SPOCK1: variants seen among roughly 807,000 people sequenced by gnomAD.
SPOCK1 encodes testican-1.
A neutral mutation model predicts 55.3 loss-of-function variants in SPOCK1; 23 were observed. That is an observed-to-expected ratio of 0.42 (90% CI 0.30 to 0.59). SPOCK1 has a LOEUF of 0.59. Ranked by LOEUF, SPOCK1 falls within the 20% of genes least tolerant of loss-of-function variation. The pLI is 0.22. For missense variants in SPOCK1, 499 were observed against 552.5 expected (o/e 0.90, Z 0.97); for synonymous variants, 226 against 221.0 (o/e 1.02, Z -0.20).
intron 2 of SPOCK1, among the ~76,000 whole-genome samples, chr5:137,324,339 G>A (rs1418126203): frequency 6.6e-6 from 1 of 152,078 alleles, no homozygotes; most frequent in African/African-American, 2.4e-5. Context: ...TGTCTACTTA[G>A]GAGGCTGAGG....
chr5:137,381,106 C>G (rs1212619594), intron 2 of SPOCK1, among the ~76,000 whole-genome samples: 1 of 152,080 alleles, frequency 6.6e-6, no homozygotes, highest in African/African-American at 2.4e-5. Context: ...AGGCCTCACG[C>G]AAGTCCAAAA....
At chr5:137,430,236 G>A (rs1236619307) in intron 2 of SPOCK1, among the ~76,000 whole-genome samples, 1 of 152,116 alleles carries the variant, frequency 6.6e-6, no homozygotes, top group African/African-American at 2.4e-5. Flanking sequence ...GTATTTACTT[G>A]GAATTTAAAT....
At chr5:137,179,857 C>G (rs1448286762) in intron 3 of SPOCK1, among the ~76,000 whole-genome samples, 3 of 152,178 alleles carry the variant, frequency 2.0e-5, no homozygotes, top group Non-Finnish European at 4.4e-5. Context: ...TAGATGAGGT[C>G]TTCTACCCCC....
At chr5:137,212,417 T>C (rs1186247589) in intron 3 of SPOCK1, among the ~76,000 whole-genome samples, 4 of 152,186 alleles carry the variant, frequency 2.6e-5, no homozygotes, top group African/African-American at 4.8e-5. Flanking sequence ...TTGCAACTAA[T>C]ACGTGAATGA....
intron 3 of SPOCK1, among the ~76,000 whole-genome samples, chr5:137,165,720 T>C (rs1178148355): frequency 1.3e-5 from 2 of 152,066 alleles, no homozygotes; most frequent in African/African-American, 4.8e-5. Context: ...GAGATTGAAA[T>C]AATTTAAAAG....
At chr5:137,006,241 G>C (rs1751244053) in intron 6 of SPOCK1, among the ~76,000 whole-genome samples, 1 of 152,186 alleles carries the variant, frequency 6.6e-6, no homozygotes, top group South Asian at 2.1e-4. Flanking sequence ...ATTCTGTGAA[G>C]AAAGTCAATG....
rs114304960 is a variant in SPOCK1 at position 137,410,641 on chromosome 5, C to T, written c.186+87732G>A. On this transcript the variant is annotated intron_variant, in intron 2 of 10. Coordinates refer to ENST00000394945, the MANE Select transcript of SPOCK1 (RefSeq NM_004598.4). The stretch of plus-strand genomic sequence containing the variant: ...AGTATTAAATAGGGACTGCACCCCA[C>T]GCCACTGGACAGCTCTCTTTGCCTA... Among the ~76,000 whole-genome samples the T allele has an allele frequency of 3.5e-3, 535 of 152,344 alleles. 3 individuals are homozygous for T. Among genetic ancestry groups the T allele is most frequent in the African/African-American group, 0.012 (491 of 41,574 alleles).
intron 2 of SPOCK1, among the ~76,000 whole-genome samples, chr5:137,413,310 C>T (rs950662138): frequency 7.9e-5 from 12 of 152,124 alleles, no homozygotes; most frequent in African/African-American, 2.9e-4. Context: ...AACACTAATT[C>T]TCTTTCACTG....
At chr5:137,408,781 G>C (rs1221635031) in intron 2 of SPOCK1, among the ~76,000 whole-genome samples, 1 of 152,174 alleles carries the variant, frequency 6.6e-6, no homozygotes, top group Non-Finnish European at 1.5e-5. Flanking sequence ...AGAATAAGAT[G>C]TCAAGGAAAG....
chr5:137,260,435 G>C (rs556822609), intron 3 of SPOCK1, among the ~76,000 whole-genome samples: 69 of 152,324 alleles, frequency 4.5e-4, no homozygotes, highest in Middle Eastern at 3.4e-3. Context: ...AAACAGATTA[G>C]AGAGGGAAAC....
chr5:137,326,180 T>C (rs1199340388), intron 2 of SPOCK1, among the ~76,000 whole-genome samples: 3 of 151,722 alleles, frequency 2.0e-5, no homozygotes, highest in Non-Finnish European at 4.4e-5. Context: ...CATTCAGTAC[T>C]CCCCGTACCA....
intron 3 of SPOCK1, among the ~76,000 whole-genome samples, chr5:137,201,382 C>T (rs958674793): frequency 1.3e-4 from 20 of 152,184 alleles, no homozygotes; most frequent in Non-Finnish European, 2.6e-4. Flanking sequence ...GTCAATTTCA[C>T]AAATACCCAT....
At chr5:137,139,568 C>A (rs1023860823) in intron 4 of SPOCK1, among the ~76,000 whole-genome samples, 1 of 97,158 alleles carries the variant, frequency 1.0e-5, no homozygotes, top group East Asian at 2.9e-4. Context: ...GGTGGGGAGC[C>A]GATTTAAGTG....
chr5:137,421,859 T>C (rs4118178), intron 2 of SPOCK1, among the ~76,000 whole-genome samples: 56,051 of 152,024 alleles, frequency 0.37, 11,109 homozygotes, highest in East Asian at 0.64. Context: ...GCTGGTTATT[T>C]TGCTCGTTAG....
intron 2 of SPOCK1, among the ~76,000 whole-genome samples, chr5:137,283,193 C>T (rs1757197449): frequency 6.6e-6 from 1 of 152,164 alleles, no homozygotes; most frequent in African/African-American, 2.4e-5. Context: ...GGAGACTCTA[C>T]CCCTTTTGCC....
chr5:137,251,080 C>T (rs1484795353), intron 3 of SPOCK1, among the ~76,000 whole-genome samples: 1 of 152,192 alleles, frequency 6.6e-6, no homozygotes, highest in Non-Finnish European at 1.5e-5. Context: ...CTGGCCCCCA[C>T]ACCCAAAGTC....
chr5:137,129,101 G>A (rs1359875447), intron 4 of SPOCK1, among the ~76,000 whole-genome samples: 3 of 152,214 alleles, frequency 2.0e-5, no homozygotes, highest in East Asian at 1.9e-4. Flanking sequence ...TGGTCTGAGA[G>A]CTGCGCATGT....
At chr5:137,185,613 A>C (rs1254374720) in intron 3 of SPOCK1, among the ~76,000 whole-genome samples, 2 of 152,212 alleles carry the variant, frequency 1.3e-5, no homozygotes, top group Non-Finnish European at 2.9e-5. Flanking sequence ...CTAAGTCTTA[A>C]TAAAATAAAG....
intron 5 of SPOCK1, among the ~76,000 whole-genome samples, chr5:137,104,758 G>A (rs1262635144): frequency 6.6e-6 from 1 of 152,110 alleles, no homozygotes; most frequent in Non-Finnish European, 1.5e-5. Context: ...TCCCCATCTA[G>A]TTGTAGGAAA....
Sources: gnomAD v4.1 joint callset for allele counts (sites outside exome capture counted in the v4.1 genomes callset) on GRCh38, gnomAD v4.1.1 for gene constraint, MANE v1.5 for transcripts, NCBI Gene and HGNC (gene_info 2026-07-23, HGNC 2026-07-21) for gene names.